The following SDK1 variants were observed in gnomAD, a reference collection of about 807,000 sequenced individuals.
SDK1 encodes the protein sidekick cell adhesion molecule 1.
A neutral mutation model predicts 245.5 loss-of-function variants in SDK1; 157 were observed. That is an observed-to-expected ratio of 0.64 (90% CI 0.56 to 0.73). The LOEUF is 0.73. SDK1 is among the 30% of genes least tolerant of loss of function. The pLI is 0.00. For synonymous variants in SDK1, 1,647 were observed against 1,278.5 expected, an observed-to-expected ratio of 1.29 and a Z score of -6.15; for missense variants, 3,583 against 3,002.3, an observed-to-expected ratio of 1.19 and a Z score of -4.52.
chr7:3,635,897 G>A (rs1488912053), intron 2 of SDK1, among the ~76,000 whole-genome samples: 5 of 152,082 alleles, frequency 3.3e-5, no homozygotes, highest in Non-Finnish European at 7.4e-5. Flanking sequence ...GTAGAGAGAC[G>A]GTTCTGCCAT....
intron 12 of SDK1, among the ~76,000 whole-genome samples, chr7:3,972,108 C>T (rs1240154419): frequency 1.4e-5 from 2 of 145,412 alleles, no homozygotes; most frequent in African/African-American, 5.2e-5. Context: ...GAGACAGAGC[C>T]TTGCTCTGTC....
At chr7:4,159,950 A>G (rs1332689336) in intron 31 of SDK1, among the ~76,000 whole-genome samples, 1 of 152,212 alleles carries the variant, frequency 6.6e-6, no homozygotes, top group African/African-American at 2.4e-5. Flanking sequence ...GATTTAAAGT[A>G]TGCGGGAGGA....
At chr7:3,859,958 C>T (rs1408510573) in intron 5 of SDK1, among the ~76,000 whole-genome samples, 3 of 150,826 alleles carry the variant, frequency 2.0e-5, no homozygotes, top group Non-Finnish European at 2.9e-5. Context: ...CTTACTCTGT[C>T]GCCCAGGCTA....
chr7:3,524,467 G>C (rs1562538941), intron 1 of SDK1, among the ~76,000 whole-genome samples: 1 of 152,148 alleles, frequency 6.6e-6, no homozygotes, highest in Non-Finnish European at 1.5e-5. Flanking sequence ...GGAAGTATAG[G>C]ATTGGGGAAT....
chr7:3,836,345 A>G (rs138956136), intron 5 of SDK1, among the ~76,000 whole-genome samples: 2 of 152,248 alleles, frequency 1.3e-5, no homozygotes, highest in African/African-American at 4.8e-5. Context: ...ACACATATAC[A>G]TAACTTCAAT....
intron 5 of SDK1, among the ~76,000 whole-genome samples, chr7:3,826,951 A>G (rs1260447685): frequency 1.3e-5 from 2 of 152,134 alleles, no homozygotes; most frequent in African/African-American, 4.8e-5. Flanking sequence ...AACAAAGACC[A>G]TCATTCTCTC....
At position 3,999,643 on chromosome 7, in the gene SDK1, A is replaced by G. The variant is rs540352396; in HGVS notation, c.2132-11323A>G. Among the ~76,000 whole-genome samples the G allele has an allele frequency of 3.3e-5, 5 of 152,360 alleles. No homozygotes were observed. The South Asian group carries it at 1.0e-3, about 32-fold the overall frequency. On this transcript the variant is annotated intron_variant, in intron 14 of 44. Coordinates refer to ENST00000404826, the MANE Select transcript of SDK1 (RefSeq NM_152744.4). ...AAAATGGGAGTTCAGGAAATTTCCCAGTGAGTGAATTCGTAAGAGCAGAAG... is the reference window on the plus strand; with the variant it reads ...AAAATGGGAGTTCAGGAAATTTCCCGGTGAGTGAATTCGTAAGAGCAGAAG...
chr7:3,350,579 C>T (rs1218141443), intron 1 of SDK1, among the ~76,000 whole-genome samples: 1 of 152,114 alleles, frequency 6.6e-6, no homozygotes, highest in African/African-American at 2.4e-5. Context: ...TAACTTTGCC[C>T]TGAGGCATTT....
At chr7:3,561,632 G>C (rs1449516327) in intron 1 of SDK1, among the ~76,000 whole-genome samples, 3 of 152,264 alleles carry the variant, frequency 2.0e-5, no homozygotes, top group African/African-American at 4.8e-5. Context: ...ATCAAGACTG[G>C]TTCCCTCAAT....
chr7:3,865,873 T>C (rs542485318), intron 5 of SDK1, among the ~76,000 whole-genome samples: 1 of 152,076 alleles, frequency 6.6e-6, no homozygotes, highest in Non-Finnish European at 1.5e-5. Flanking sequence ...CCAACATCTT[T>C]TCAGAAGTTA....
intron 4 of SDK1, among the ~76,000 whole-genome samples, chr7:3,653,115 G>T (rs922241942): frequency 6.6e-6 from 1 of 152,184 alleles, no homozygotes; most frequent in South Asian, 2.1e-4. Flanking sequence ...CTTGTGTGGG[G>T]TGAGCTTGAA....
chr7:3,794,386 C>T (rs1562448133), intron 4 of SDK1, among the ~76,000 whole-genome samples: 1 of 152,132 alleles, frequency 6.6e-6, no homozygotes, highest in Admixed American at 6.5e-5. Flanking sequence ...AAGGGCATAG[C>T]TTTGGGACAT....
At chr7:3,551,196 C>T (rs1368115677) in intron 1 of SDK1, among the ~76,000 whole-genome samples, 4 of 152,076 alleles carry the variant, frequency 2.6e-5, no homozygotes, top group Non-Finnish European at 5.9e-5. Flanking sequence ...GTGGGGGGCC[C>T]AACATCACAC....
intron 4 of SDK1, among the ~76,000 whole-genome samples, chr7:3,740,728 C>A (rs1304033759): frequency 1.3e-5 from 2 of 152,132 alleles, no homozygotes; most frequent in Non-Finnish European, 1.5e-5. Context: ...TTATTCTTAA[C>A]AAGATTCGTC....
At chr7:3,911,191 C>T (rs1779150968) in intron 5 of SDK1, among the ~76,000 whole-genome samples, 1 of 152,206 alleles carries the variant, frequency 6.6e-6, no homozygotes, top group Admixed American at 6.5e-5. Context: ...CACATGGCTG[C>T]TGTGGCTGTG....
chr7:4,232,543 A>T (rs983263026), intron 40 of SDK1, among the ~76,000 whole-genome samples: 2 of 151,218 alleles, frequency 1.3e-5, no homozygotes, highest in Admixed American at 1.3e-4. Flanking sequence ...GCTCACTGCA[A>T]CCTCAACCTC....
chr7:3,508,153 C>T (rs761844568), intron 1 of SDK1, among the ~76,000 whole-genome samples: 1 of 151,698 alleles, frequency 6.6e-6, no homozygotes, highest in Admixed American at 6.6e-5. Flanking sequence ...CTTGTAATCT[C>T]GTAATTACCA....
Position 4,237,693 on chromosome 7 carries a change from G to C in SDK1, c.6039G>C (p.Val2013=). The change falls in exon 42 of 45, where the codon GTG becomes GTC. Residue 2013 remains valine (V), a synonymous_variant. Coordinates refer to ENST00000404826, the MANE Select transcript of SDK1 (RefSeq NM_152744.4). ...PFYEEWWFLL[V]MALSSLIVIL... ...ACGAGGAGTGGTGGTTCCTCCTGGT[G>C]ATGGCTCTGTCCAGCCTGATCGTCA... is the stretch of plus-strand genomic sequence containing the variant. 2 of 1,614,126 alleles carry C rather than the reference G, an allele frequency of 1.2e-6. No individual in the cohort carries two copies. Among genetic ancestry groups the C allele is most frequent in the Non-Finnish European group, 1.7e-6 (2 of 1,180,008 alleles).
intron 5 of SDK1, among the ~76,000 whole-genome samples, chr7:3,898,050 C>T (rs1249384583): frequency 2.0e-5 from 3 of 152,180 alleles, no homozygotes; most frequent in Non-Finnish European, 4.4e-5. Flanking sequence ...ATCAACATGA[C>T]TGAGGTGCTA....
Sources: allele counts gnomAD v4.1 joint callset (sites outside exome capture counted in the v4.1 genomes callset), GRCh38; gene constraint gnomAD v4.1.1; transcripts MANE v1.5; gene names NCBI Gene and HGNC (gene_info 2026-07-23, HGNC 2026-07-21).